The following FCRL6 variants were observed in gnomAD, a reference collection of about 807,000 sequenced individuals.
FCRL6 encodes the protein Fc receptor like 6.
In FCRL6, 50 loss-of-function variants were observed where a neutral mutation model predicts 49.1. The observed-to-expected ratio is 1.02, with a 90% confidence interval of 0.81 to 1.29. FCRL6 has a LOEUF of 1.29. Among genes scored for constraint, FCRL6 ranks in the 50% most tolerant of loss-of-function variants. The pLI, the probability that FCRL6 is intolerant of heterozygous loss-of-function variation, is 0.00. For synonymous variants in FCRL6, 213 were observed against 199.6 expected, an observed-to-expected ratio of 1.07 and a Z score of -0.57; for missense variants, 571 against 518.5, an observed-to-expected ratio of 1.10 and a Z score of -0.98.
chr1:159,807,514 T>A (rs1198665351), intron 2 of FCRL6, among the ~76,000 whole-genome samples: 5 of 152,194 alleles, frequency 3.3e-5, no homozygotes, highest in African/African-American at 1.2e-4. Context: ...GAATACATTT[T>A]AGGAATAGAG....
At chr1:159,806,942 G>T (rs1286442993) in intron 2 of FCRL6, among the ~76,000 whole-genome samples, 1 of 152,140 alleles carries the variant, frequency 6.6e-6, no homozygotes, top group East Asian at 1.9e-4. Flanking sequence ...CAACAAGACT[G>T]GGACTCCCTT....
chr1:159,808,027 G>C, intron 2 of FCRL6, 151 bp from the exon 3 acceptor site: 1 of 769,626 alleles, frequency 1.3e-6, no homozygotes, highest in Non-Finnish European at 2.1e-6. Context: ...CCCTTCTCTG[G>C]TCGGCATGAA....
chr1:159,808,444 G>A lies in FCRL6; in HGVS notation c.319G>A (p.Glu107Lys), dbSNP rs1297501835. The A allele has an allele frequency of 1.2e-6, 2 of 1,614,084 alleles. No individual in the cohort carries two copies. The highest frequency in any genetic ancestry group is 1.7e-6 in the Non-Finnish European group (2 of 1,180,034). ...AGAGACTGCCATGGTTCAAGTCCAA[G>A]GTGAGTCACCAGCTTGGGAGTTTGT... ...TSETAMVQVQ[E>K]LFPPPVLSAI... Residue 107 changes from glutamate to lysine, a missense_variant and splice_region_variant, in exon 3 of 10, where the codon GAG becomes AAG. Physicochemically the swap from Glu to Lys is moderately conservative, Grantham distance 56. Transcript: ENST00000368106.
chr1:159,812,263 G>A (rs555368261), intron 6 of FCRL6, among the ~76,000 whole-genome samples: 1 of 152,290 alleles, frequency 6.6e-6, no homozygotes, highest in East Asian at 1.9e-4. Flanking sequence ...AGCTACGCAG[G>A]AAAAACAGCC....
Position 159,809,584 on chromosome 1 carries a change from T to C in FCRL6, c.787T>C (p.Phe263Leu), listed in dbSNP as rs1444637108. The change falls in exon 5 of 10, where the codon TTC becomes CTC. Residue 263 changes from phenylalanine to leucine, a missense_variant. Phe to Leu is a conservative substitution (Grantham distance 22). Transcript: ENST00000368106. ...CTGTGGTGGAACCACCTCCCTCCTC[T>C]TCCCAGTGAAGTCAGAACAGGATGC... ...APCGGTTSLL[F>L]PVKSEQDAGN... 1.9e-6 allele frequency: 3 copies of C among 1,614,050 alleles called. No homozygotes were observed. Among genetic ancestry groups the C allele is most frequent in the African/African-American group, 2.7e-5 (2 of 74,918 alleles).
chr1:159,812,500 G>A (rs1468081409), intron 6 of FCRL6, among the ~76,000 whole-genome samples: 1 of 152,220 alleles, frequency 6.6e-6, no homozygotes, highest in African/African-American at 2.4e-5. Flanking sequence ...GCATGTACAG[G>A]TTCTGCTGTG....
chr1:159,809,791 C>T, intron 5 of FCRL6, 108 bp downstream of exon 5: 3 of 978,722 alleles, frequency 3.1e-6, no homozygotes, highest in Non-Finnish European at 4.7e-6. Context: ...GGACTCATGG[C>T]AGCCACTGCA....
chr1:159,809,642 T>A lies in FCRL6; in HGVS notation c.845T>A (p.Val282Asp), dbSNP rs200150308. ...TACTCCTGCGAGGCTGAGAACAGTG[T>A]CTCCAGAGAGAGGAGTGAGCCCAAG... is the stretch of plus-strand genomic sequence containing the variant. ...GNYSCEAENS[V>D]SRERSEPKKL... Residue 282 changes from valine to aspartate, a missense_variant, in exon 5 of 10, where the codon GTC (valine) becomes GAC (aspartate). Physicochemically the swap from Val to Asp is radical, Grantham distance 152 (BLOSUM62 -3). Coordinates refer to ENST00000368106, the MANE Select transcript of FCRL6 (RefSeq NM_001004310.3). The A allele has an allele frequency of 1.6e-5, 26 of 1,613,948 alleles. No homozygotes were observed. The highest frequency in any genetic ancestry group is 1.7e-5 in the Non-Finnish European group (20 of 1,180,010).
At chr1:159,803,233 C>A (rs1025184162) in intron 1 of FCRL6, among the ~76,000 whole-genome samples, 3 of 152,160 alleles carry the variant, frequency 2.0e-5, no homozygotes, top group Non-Finnish European at 4.4e-5. Context: ...CTCCCCCAGA[C>A]CCAGCTCAGT....
rs1196926967 is a variant in FCRL6 at position 159,803,157 on chromosome 1, T to C, written c.31+702T>C. Among the ~76,000 whole-genome samples the C allele has an allele frequency of 1.3e-5, 2 of 152,186 alleles. 1 individual carries two copies. Among genetic ancestry groups the C allele is most frequent in the African/African-American group, 4.8e-5 (2 of 41,436 alleles). On this transcript the variant is annotated intron_variant, in intron 1 of 9. Coordinates refer to ENST00000368106, the MANE Select transcript of FCRL6 (RefSeq NM_001004310.3). ...TCTCTCTTCTCTCCATTTCTTCTCA[T>C]GCAGGCTACTTGTAACTAAGAGAGC...
intron 3 of FCRL6, 146 bp from the exon 4 acceptor site, chr1:159,808,815 G>T (rs1339053863): frequency 1.3e-6 from 1 of 772,640 alleles, no homozygotes; most frequent in Non-Finnish European, 2.0e-6. Context: ...GTGGGTGAGG[G>T]TAAGAGGACG....
intron 1 of FCRL6, 31 bp from the exon 2 acceptor site, chr1:159,806,565 A>G: frequency 6.2e-7 from 1 of 1,607,800 alleles, no homozygotes; most frequent in Non-Finnish European, 8.5e-7. Context: ...TTTGCTACTT[A>G]ACCTAATTGT....
intron 2 of FCRL6, among the ~76,000 whole-genome samples, chr1:159,807,023 C>T (rs1662737221): frequency 6.6e-6 from 1 of 152,212 alleles, no homozygotes; most frequent in Non-Finnish European, 1.5e-5. Context: ...TTCCTCAGAT[C>T]CCCTTCCCTC....
chr1:159,802,350 C>A (rs78003015), upstream of FCRL6: 40 of 1,588,874 alleles, frequency 2.5e-5, no homozygotes, highest in Admixed American at 1.9e-4. Context: ...GGTCCTGAGG[C>A]CTGGTTGCTC....
rs770464848 is a variant in FCRL6 at position 159,806,652 on chromosome 1, T to G, written c.52+36T>G. On this transcript the variant is annotated intron_variant, in intron 2 of 9. Transcript: ENST00000368106. The stretch of plus-strand genomic sequence containing the variant: ...TCCATGTCTCTTCTAATTCAAAGTA[T>G]GTCTATGGGCCAAAACTTACTGGAT... The G allele has an allele frequency of 1.9e-6, 3 of 1,610,338 alleles. No homozygotes were observed. The African/African-American group carries it at 4.0e-5, about 22-fold the overall frequency.
chr1:159,810,151 G>T lies in FCRL6; in HGVS notation c.944G>T (p.Ser315Ile), dbSNP rs769307259. Residue 315 changes from serine (S) to isoleucine (I), a missense_variant, in exon 6 of 10, where the codon AGC (serine) becomes ATC (isoleucine). Ser to Ile is a moderately radical substitution (Grantham distance 142). Coordinates refer to ENST00000368106, the MANE Select transcript of FCRL6 (RefSeq NM_001004310.3). ...SNWLVPWLPASLLGLMVIAAA... is the reference protein window; with the variant it reads ...SNWLVPWLPAILLGLMVIAAA... ...TGGCTGGTTCCTTGGCTTCCTGCGAGCCTGCTTGGCCTGATGGTTATTGCT... is the reference window on the plus strand; with the variant it reads ...TGGCTGGTTCCTTGGCTTCCTGCGATCCTGCTTGGCCTGATGGTTATTGCT... 2 of 1,613,960 alleles carry T rather than the reference G, an allele frequency of 1.2e-6. No homozygotes were observed. The highest frequency in any genetic ancestry group is 1.7e-6 in the Non-Finnish European group (2 of 1,179,930).
intron 7 of FCRL6, 142 bp downstream of exon 7, chr1:159,813,696 G>A (rs186958663): frequency 0.011 from 8,162 of 724,866 alleles, 79 homozygotes; most frequent in Non-Finnish European, 0.014. Context: ...CTTCTAGAAA[G>A]GGCATGAAGA....
intron 6 of FCRL6, among the ~76,000 whole-genome samples, chr1:159,810,686 C>T (rs1300928412): frequency 6.6e-6 from 1 of 152,098 alleles, no homozygotes; most frequent in Non-Finnish European, 1.5e-5. Flanking sequence ...GGCTCACTCA[C>T]ACACACTCAT....
intron 2 of FCRL6, among the ~76,000 whole-genome samples, chr1:159,807,768 T>G (rs1194712218): frequency 5.9e-5 from 9 of 151,982 alleles, no homozygotes; most frequent in Non-Finnish European, 1.3e-4. Context: ...CAATCTAGGC[T>G]GGAGGGAATT....
Sources: allele counts gnomAD v4.1 joint callset (sites outside exome capture counted in the v4.1 genomes callset), GRCh38; gene constraint gnomAD v4.1.1; transcripts MANE v1.5; gene names NCBI Gene and HGNC (gene_info 2026-07-23, HGNC 2026-07-21).